The following CDK12 variants were observed in gnomAD, a reference collection of about 807,000 sequenced individuals.
The protein encoded by CDK12 is cyclin dependent kinase 12.
In CDK12, 17 loss-of-function variants were observed where a neutral mutation model predicts 133.8. That is an observed-to-expected ratio of 0.13 (90% CI 0.09 to 0.19). The LOEUF (loss-of-function observed/expected upper bound fraction) is 0.19. Among genes scored for constraint, CDK12 ranks in the 10% least tolerant of loss-of-function variants. The pLI is 1.00. For missense variants in CDK12, 1,508 were observed against 1,818.7 expected (o/e 0.83, Z 3.11); for synonymous variants, 694 against 683.6 (o/e 1.02, Z -0.24).
chr17:39,463,986 G>A (rs1313923874), intron 1 of CDK12, among the ~76,000 whole-genome samples: 1 of 151,926 alleles, frequency 6.6e-6, no homozygotes, highest in African/African-American at 2.4e-5. Flanking sequence ...GACCTTTGTG[G>A]AATCCTAATG....
chr17:39,494,773 CTTTTT>C, intron 5 of CDK12, 79 bp downstream of exon 5: 3 of 790,674 alleles, frequency 3.8e-6, no homozygotes, highest in Admixed American at 3.3e-5. Flanking sequence ...TTCTTTCTTT[CTTTTT>C]TTTTTTTTTG....
intron 1 of CDK12, among the ~76,000 whole-genome samples, chr17:39,540,820 C>T (rs1462239469): frequency 6.6e-6 from 1 of 152,166 alleles, no homozygotes; most frequent in African/African-American, 2.4e-5. Context: ...CCAGCCCCAA[C>T]GGCAGCTGAA....
intron 2 of CDK12, among the ~76,000 whole-genome samples, chr17:39,481,105 A>G (rs2050607898): frequency 6.6e-6 from 1 of 151,672 alleles, no homozygotes; most frequent in Non-Finnish European, 1.5e-5. Flanking sequence ...AGTACAAAAT[A>G]AGCAGGGTTT....
intron 2 of CDK12, among the ~76,000 whole-genome samples, chr17:39,480,228 G>T (rs1353456873): frequency 1.3e-5 from 2 of 149,960 alleles, no homozygotes; most frequent in Non-Finnish European, 3.0e-5. Context: ...CAGCCTAGAG[G>T]ATTTAGTGTC....
chr17:39,505,024 T>C (rs1282277881), intron 6 of CDK12, among the ~76,000 whole-genome samples: 2 of 128,714 alleles, frequency 1.6e-5, no homozygotes, highest in Non-Finnish European at 3.3e-5. Context: ...AGGTCAGGCG[T>C]TCAAGATCAT....
intron 11 of CDK12, among the ~76,000 whole-genome samples, chr17:39,521,423 C>T (rs1204594471): frequency 2.0e-5 from 3 of 151,652 alleles, no homozygotes; most frequent in Admixed American, 1.3e-4. Context: ...CCACCATGCC[C>T]GGCTAATTTT....
intron 3 of CDK12, among the ~76,000 whole-genome samples, chr17:39,561,382 C>T (rs533926163): frequency 1.2e-3 from 177 of 152,308 alleles, no homozygotes; most frequent in Non-Finnish European, 2.0e-3. Context: ...CTTGGGCAGG[C>T]TCAGTGTCTA....
intron 1 of CDK12, among the ~76,000 whole-genome samples, chr17:39,466,183 C>CT (rs1271146489): frequency 2.0e-5 from 3 of 151,552 alleles, no homozygotes; most frequent in African/African-American, 7.3e-5. Flanking sequence ...TGGCATGCAC[C>CT]TATAATCCCA....
chr17:39,555,757 G>A (rs891381233), intron 2 of CDK12, among the ~76,000 whole-genome samples: 2 of 151,026 alleles, frequency 1.3e-5, no homozygotes, highest in African/African-American at 4.9e-5. Flanking sequence ...ACTTTGGGAG[G>A]CCGAGATGGG....
At chr17:39,518,062 C>T (rs914337214) in intron 10 of CDK12, among the ~76,000 whole-genome samples, 1 of 151,630 alleles carries the variant, frequency 6.6e-6, no homozygotes, top group Non-Finnish European at 1.5e-5. Context: ...ACTGCAACCT[C>T]TGCCCCCCAA....
rs386386050 is a variant in CDK12, at chr17:39,519,298, C to CTT, written c.2964-632_2964-631dup. Among the ~76,000 whole-genome samples the CTT allele has an allele frequency of 9.7e-3, 524 of 53,998 alleles. 96 individuals are homozygous for CTT. The highest frequency in any genetic ancestry group is 0.038 in the African/African-American group (495 of 13,096). The allele number at this position is 53,998 out of a possible 152,430, so 35.4% of individuals were successfully genotyped here. A position where few individuals can be genotyped will look rare whatever the true frequency, so the allele number is the denominator to read the frequency against. On this transcript the variant is annotated intron_variant, in intron 10 of 13. Transcript: ENST00000447079. ...TTGGTTTTACATGGAAATTCAAAGA[C>CTT]TTTTTTTTTTTTTTTTTTTTTTTTT...
chr17:39,559,341 G>T (rs779470137), intron 3 of CDK12, among the ~76,000 whole-genome samples: 2 of 152,018 alleles, frequency 1.3e-5, no homozygotes, highest in African/African-American at 4.8e-5. Flanking sequence ...CTAGTTTTAC[G>T]TGTTCTCATA....
intron 1 of CDK12, among the ~76,000 whole-genome samples, chr17:39,463,607 C>T (rs554147287): frequency 6.6e-6 from 1 of 152,042 alleles, no homozygotes; most frequent in Non-Finnish European, 1.5e-5. Context: ...TCATTTCCTA[C>T]TTGGCACTGT....
chr17:39,522,526 C>A (rs35701477), intron 11 of CDK12, among the ~76,000 whole-genome samples: 7,833 of 152,086 alleles, frequency 0.052, 658 homozygotes, highest in African/African-American at 0.18. Flanking sequence ...CCTCCACCTC[C>A]CGGCTTCAAG....
At chr17:39,523,038 G>GTGAT (rs1256079742) in intron 11 of CDK12, among the ~76,000 whole-genome samples, 1 of 152,060 alleles carries the variant, frequency 6.6e-6, no homozygotes, top group Admixed American at 6.6e-5. Context: ...AGACCATAGA[G>GTGAT]TGATACTCCA....
In CDK12 at chr17:39,530,718, A is replaced by G; in HGVS notation, c.3875A>G (p.Glu1292Gly). The G allele has an allele frequency of 6.3e-7, 1 of 1,585,682 alleles. No individual in the cohort carries two copies. ...VEGDLSSAPQ[E>G]LNPAVTAALL... ...GGCGATCTTTCCAGCGCCCCCCAGG[A>G]GTTGAACCCAGCCGTGACAGCCGCC... The change falls in exon 14 of 14, where the codon GAG (glutamate) becomes GGG (glycine). Residue 1292 changes from glutamate (E) to glycine (G), a missense_variant. Transcript: ENST00000447079.
chr17:39,524,723 C>T lies in CDK12; in HGVS notation c.3145C>T (p.Arg1049Cys), dbSNP rs1363920260. The T allele has an allele frequency of 1.2e-6, 2 of 1,614,202 alleles. No homozygotes were observed. Among genetic ancestry groups the T allele is most frequent in the Non-Finnish European group, 8.5e-7 (1 of 1,180,030 alleles). ...TGAGTTGTGGAGTAAGAAACGGCGA[C>T]GTCAGCGACAAAGTGGTGTTGTAGT... ...CHELWSKKRR[R>C]QRQSGVVVEE... Residue 1049 changes from arginine to cysteine, a missense_variant, in exon 12 of 14, where the codon CGT becomes TGT. Coordinates refer to ENST00000447079, the MANE Select transcript of CDK12 (RefSeq NM_016507.4).
At chr17:39,555,075 C>T (rs942509493) in intron 2 of CDK12, among the ~76,000 whole-genome samples, 1 of 151,536 alleles carries the variant, frequency 6.6e-6, no homozygotes, top group African/African-American at 2.4e-5. Flanking sequence ...GAAACCCTGT[C>T]TCTATTAAAA....
chr17:39,511,644 A>T lies in CDK12; in HGVS notation c.2768+14A>T, dbSNP rs753520764. On this transcript the variant is annotated intron_variant, in intron 8 of 13. Coordinates refer to ENST00000447079, the MANE Select transcript of CDK12 (RefSeq NM_016507.4). The stretch of plus-strand genomic sequence containing the variant: ...TTGGAGCTGTGGGTAAGGTTCTGTT[A>T]ACTTTTTCTTTTGTCTGTAACTTAC... 1 of 1,568,500 alleles carries T rather than the reference A, an allele frequency of 6.4e-7. No homozygotes were observed. The highest frequency in any genetic ancestry group is 8.8e-7 in the Non-Finnish European group (1 of 1,141,056).
Sources: allele counts gnomAD v4.1 joint callset (sites outside exome capture counted in the v4.1 genomes callset), GRCh38; gene constraint gnomAD v4.1.1; transcripts MANE v1.5; gene names NCBI Gene and HGNC (gene_info 2026-07-23, HGNC 2026-07-21).